PDE7B: variants seen among roughly 807,000 people sequenced by gnomAD.
PDE7B encodes the protein 3',5'-cyclic-AMP phosphodiesterase 7B.
Under a neutral mutation model 56.2 loss-of-function variants are expected in PDE7B, and 29 were observed. The observed-to-expected ratio is 0.52, with a 90% CI of 0.38 to 0.70. The LOEUF is 0.70. PDE7B is among the 30% of genes least tolerant of loss of function. The pLI, the probability that PDE7B is intolerant of heterozygous loss-of-function variation, is 0.00. For missense variants in PDE7B, 490 were observed against 565.0 expected (o/e 0.87, Z 1.35); for synonymous variants, 197 against 196.9 (o/e 1.00, Z 0.00).
At chr6:136,149,525 G>A (rs975575105) in intron 5 of PDE7B, among the ~76,000 whole-genome samples, 1 of 152,204 alleles carries the variant, frequency 6.6e-6, no homozygotes, top group Non-Finnish European at 1.5e-5. Flanking sequence ...ACAGGGCAGG[G>A]TGCTTATGCA....
At chr6:135,892,816 A>G (rs551314490) in intron 1 of PDE7B, among the ~76,000 whole-genome samples, 1 of 152,312 alleles carries the variant, frequency 6.6e-6, no homozygotes, top group South Asian at 2.1e-4. Flanking sequence ...TATCTTTAGT[A>G]AAGATGCCTA....
At chr6:136,158,918 C>T (rs1385963720) in intron 8 of PDE7B, among the ~76,000 whole-genome samples, 8 of 152,174 alleles carry the variant, frequency 5.3e-5, no homozygotes, top group Non-Finnish European at 7.3e-5. Flanking sequence ...TTACATACAA[C>T]GTTGGTGATT....
chr6:136,032,961 T>C lies in PDE7B; in HGVS notation c.83-75770T>C, dbSNP rs989523375. ...CCAGTTTTTGTAACTCTCAGATAAG[T>C]AGTCTTAGAGAGTGACTTTAGAGAT... On this transcript the variant is annotated intron_variant, in intron 2 of 12. Transcript: ENST00000308191. 3.9e-5 allele frequency among the ~76,000 whole-genome samples: 6 copies of C among 152,310 alleles called. No individual in the cohort carries two copies. In the South Asian group the frequency reaches 1.2e-3, roughly 32 times the overall value.
At chr6:135,963,494 C>G (rs1238804270) in intron 2 of PDE7B, among the ~76,000 whole-genome samples, 4 of 152,108 alleles carry the variant, frequency 2.6e-5, no homozygotes, top group Non-Finnish European at 5.9e-5. Flanking sequence ...ATACAAAACT[C>G]TATAAAGAAC....
intron 2 of PDE7B, among the ~76,000 whole-genome samples, chr6:136,072,219 TAGGCGGGG>T (rs1777060909): frequency 6.6e-6 from 1 of 152,046 alleles, no homozygotes; most frequent in African/African-American, 2.4e-5. Context: ...AGAAAATAAA[TAGGCGGGG>T]AGGCGAGGAG....
intron 2 of PDE7B, among the ~76,000 whole-genome samples, chr6:136,097,701 C>CGATG (rs995134950): frequency 6.6e-6 from 1 of 152,122 alleles, no homozygotes; most frequent in Non-Finnish European, 1.5e-5. Flanking sequence ...CTTTAATCAT[C>CGATG]CTAAGTCTGT....
At chr6:136,083,632 G>A (rs1777241117) in intron 2 of PDE7B, among the ~76,000 whole-genome samples, 1 of 152,088 alleles carries the variant, frequency 6.6e-6, no homozygotes, top group African/African-American at 2.4e-5. Flanking sequence ...CCAATGGTTT[G>A]GAAAAGATAT....
intron 2 of PDE7B, among the ~76,000 whole-genome samples, chr6:135,947,798 T>A (rs1424396492): frequency 6.6e-6 from 1 of 152,092 alleles, no homozygotes; most frequent in Admixed American, 6.6e-5. Context: ...AGGTGGTTTG[T>A]ATTCAGGCAG....
In PDE7B at chr6:135,975,141, T is replaced by G. The variant is rs138981871; in HGVS notation, c.82+27617T>G. 1.6e-3 allele frequency among the ~76,000 whole-genome samples: 240 copies of G among 152,180 alleles called. 1 individual carries two copies. The East Asian group carries it at 0.028, about 18-fold the overall frequency. On this transcript the variant is annotated intron_variant, in intron 2 of 12. Coordinates refer to ENST00000308191, the MANE Select transcript of PDE7B (RefSeq NM_018945.4). ...TCTGTGTGGCCAACTCCAGTCGTTTTTTTTTTGTTTTGTTTTTTGTTTTTC... is the reference window on the plus strand; with the variant it reads ...TCTGTGTGGCCAACTCCAGTCGTTTGTTTTTTGTTTTGTTTTTTGTTTTTC...
At chr6:136,005,031 G>A (rs1355204305) in intron 2 of PDE7B, among the ~76,000 whole-genome samples, 11 of 152,174 alleles carry the variant, frequency 7.2e-5, no homozygotes, top group Non-Finnish European at 1.2e-4. Flanking sequence ...ACAGAACAGA[G>A]CTCTCAGAAA....
chr6:135,907,732 C>T lies in PDE7B; in HGVS notation c.22-39732C>T, dbSNP rs147145228. Among the ~76,000 whole-genome samples the T allele has an allele frequency of 5.6e-3, 849 of 152,152 alleles. 9 individuals are homozygous for T. The highest frequency in any genetic ancestry group is 0.019 in the African/African-American group (804 of 41,492). On this transcript the variant is annotated intron_variant, in intron 1 of 12. Transcript: ENST00000308191. The stretch of plus-strand genomic sequence containing the variant: ...GTACAGAATAATATTCCTAAAAATA[C>T]ATGTAATACTCTTATAGATAAAATT...
At position 135,919,816 on chromosome 6, in the gene PDE7B, G is replaced by A. The variant is rs1774036274; in HGVS notation, c.22-27648G>A. 2.0e-5 allele frequency among the ~76,000 whole-genome samples: 3 copies of A among 152,188 alleles called. No homozygotes were observed. In the South Asian group the frequency reaches 6.2e-4, roughly 32 times the overall value. On this transcript the variant is annotated intron_variant, in intron 1 of 12. Coordinates refer to ENST00000308191, the MANE Select transcript of PDE7B (RefSeq NM_018945.4). ...CGAAGGAGTTGCGAAAATTAAAGGA[G>A]TTAATACAGGACAGAACAGTGCCCC...
At chr6:136,127,782 A>G (rs1307668742) in intron 3 of PDE7B, among the ~76,000 whole-genome samples, 1 of 152,216 alleles carries the variant, frequency 6.6e-6, no homozygotes, top group African/African-American at 2.4e-5. Flanking sequence ...GATTCTTGGC[A>G]TAATGTTGAG....
intron 2 of PDE7B, among the ~76,000 whole-genome samples, chr6:136,039,814 G>A (rs1298081921): frequency 6.6e-6 from 1 of 152,098 alleles, no homozygotes; most frequent in Non-Finnish European, 1.5e-5. Context: ...CATGTGAGTA[G>A]GGTAAGAAAA....
chr6:136,049,360 C>A, intron 2 of PDE7B: 1 of 152,402 alleles, frequency 6.6e-6, no homozygotes, highest in South Asian at 2.0e-4. Flanking sequence ...CCTCTGCCTC[C>A]CAAAGTGCTG....
intron 2 of PDE7B, among the ~76,000 whole-genome samples, chr6:135,990,257 A>G (rs1583814756): frequency 6.6e-6 from 1 of 151,804 alleles, no homozygotes; most frequent in East Asian, 1.9e-4. Context: ...CACCACACCC[A>G]GCTAATTTTG....
At chr6:136,113,493 GGCCTCAGCACTGTTTGT>G (rs1332044087) in intron 3 of PDE7B, among the ~76,000 whole-genome samples, 3 of 152,166 alleles carry the variant, frequency 2.0e-5, no homozygotes. Context: ...AGGAAACTGT[GGCCTCAGCACTGTTTGT>G]GTGGGACATA....
At chr6:136,075,852 G>A (rs879366073) in intron 2 of PDE7B, among the ~76,000 whole-genome samples, 6 of 152,108 alleles carry the variant, frequency 3.9e-5, no homozygotes, top group Admixed American at 1.3e-4. Flanking sequence ...TAGCCCTAAC[G>A]ACATTACTCC....
At chr6:136,095,891 G>T (rs566831458) in intron 2 of PDE7B, 4 of 152,252 alleles carry the variant, frequency 2.6e-5, no homozygotes, top group African/African-American at 4.8e-5. Flanking sequence ...CACACTCAAG[G>T]TTCAATAAAT....
Sources: gnomAD v4.1 joint callset for allele counts (sites outside exome capture counted in the v4.1 genomes callset) on GRCh38, gnomAD v4.1.1 for gene constraint, MANE v1.5 for transcripts, NCBI Gene and HGNC (gene_info 2026-07-23, HGNC 2026-07-21) for gene names.